Variants in NSMCE1 observed in about 807,000 individuals in gnomAD.
NSMCE1 encodes NSE1 component of SMC5/6 complex.
NSMCE1 carries 18 observed loss-of-function variants against 29.6 expected under a neutral mutation model. The ratio of observed to expected loss-of-function variants is 0.61; its 90% confidence interval spans 0.42 to 0.90. The LOEUF (loss-of-function observed/expected upper bound fraction) is 0.90, where lower values mean the gene tolerates loss of function less well. Ranked by LOEUF, NSMCE1 falls within the 40% of genes least tolerant of loss-of-function variation. NSMCE1 has a pLI of 0.00. For missense variants in NSMCE1, 314 were observed against 343.6 expected, an observed-to-expected ratio of 0.91 and a Z score of 0.68; for synonymous variants, 124 against 133.4, an observed-to-expected ratio of 0.93 and a Z score of 0.49.
In NSMCE1 at chr16:27,231,915, T is replaced by C. The variant is rs778462537; in HGVS notation, c.483+1086A>G. Among the ~76,000 whole-genome samples the C allele has an allele frequency of 1.1e-4, 17 of 152,110 alleles. No individual in the cohort carries two copies. The Middle Eastern group carries it at 0.01, about 91-fold the overall frequency. ...AGGGCAGCAGACAGCCTCCAAGACA[T>C]GACATACGGGAACGCGCCCAGCAGA... On this transcript the variant is annotated intron_variant, in intron 5 of 7. Coordinates refer to ENST00000361439, the MANE Select transcript of NSMCE1 (RefSeq NM_145080.4).
chr16:27,242,752 A>C (rs1018396304), intron 2 of NSMCE1, among the ~76,000 whole-genome samples: 5 of 152,236 alleles, frequency 3.3e-5, no homozygotes, highest in Non-Finnish European at 7.3e-5. Context: ...CATTTCATCT[A>C]ATCACACCCA....
intron 7 of NSMCE1, 130 bp from the exon 8 acceptor site, chr16:27,225,366 A>T (rs985234838): frequency 4.5e-6 from 3 of 660,264 alleles, no homozygotes; most frequent in Non-Finnish European, 2.7e-6. Context: ...TTCACTGCTA[A>T]CCCTCCCCAG....
intron 5 of NSMCE1, among the ~76,000 whole-genome samples, chr16:27,229,047 C>T (rs967033274): frequency 2.0e-5 from 3 of 152,166 alleles, no homozygotes; most frequent in Admixed American, 2.0e-4. Flanking sequence ...CACCCCAGGG[C>T]TTCCCACCAC....
intron 7 of NSMCE1, 63 bp from the exon 8 acceptor site, chr16:27,225,299 G>T (rs892546490): frequency 3.2e-6 from 3 of 950,960 alleles, no homozygotes; most frequent in East Asian, 5.1e-5. Context: ...AGGGGCACCA[G>T]CTGGAGCCAG....
At chr16:27,249,942 A>T (rs1265075153) in intron 2 of NSMCE1, among the ~76,000 whole-genome samples, 1 of 152,164 alleles carries the variant, frequency 6.6e-6, no homozygotes, top group African/African-American at 2.4e-5. Flanking sequence ...TTCTCTCAAC[A>T]ATGTTTTGTA....
intron 2 of NSMCE1, among the ~76,000 whole-genome samples, chr16:27,247,946 A>C (rs1017423373): frequency 6.6e-6 from 1 of 151,918 alleles, no homozygotes; most frequent in Non-Finnish European, 1.5e-5. Flanking sequence ...AAAACAAAAA[A>C]CAAAACAAAA....
intron 1 of NSMCE1, among the ~76,000 whole-genome samples, chr16:27,260,467 A>G (rs953386967): frequency 2.0e-5 from 3 of 152,232 alleles, no homozygotes; most frequent in Admixed American, 6.5e-5. Flanking sequence ...ACACAAAAAA[A>G]CAAAGTAAGT....
intron 2 of NSMCE1, among the ~76,000 whole-genome samples, chr16:27,245,740 T>G (rs1226184480): frequency 2.6e-5 from 4 of 152,256 alleles, no homozygotes; most frequent in Non-Finnish European, 4.4e-5. Context: ...TACTCATTTT[T>G]TGCCACTTTT....
chr16:27,242,112 A>T (rs1445405554), intron 2 of NSMCE1, among the ~76,000 whole-genome samples: 1 of 152,218 alleles, frequency 6.6e-6, no homozygotes, highest in Admixed American at 6.5e-5. Flanking sequence ...GATGGCACAC[A>T]GGGCTTCACT....
At chr16:27,253,988 T>C (rs1030284430) in intron 2 of NSMCE1, among the ~76,000 whole-genome samples, 15 of 152,316 alleles carry the variant, frequency 9.8e-5, no homozygotes, top group Non-Finnish European at 1.9e-4. Flanking sequence ...GAATAAGAAG[T>C]GATTTGATAA....
intron 2 of NSMCE1, among the ~76,000 whole-genome samples, chr16:27,246,051 C>T (rs1248494545): frequency 1.3e-5 from 2 of 152,096 alleles, no homozygotes; most frequent in Non-Finnish European, 2.9e-5. Context: ...CGTGAGACGA[C>T]GAAGCAGATA....
intron 1 of NSMCE1, chr16:27,268,346 G>C (rs574897656): frequency 6.6e-6 from 1 of 152,218 alleles, no homozygotes; most frequent in Non-Finnish European, 1.5e-5. Flanking sequence ...ATCACAGTTT[G>C]AATCGAATTT....
chr16:27,268,483 A>T (rs546164038), intron 1 of NSMCE1: 5 of 152,354 alleles, frequency 3.3e-5, no homozygotes, highest in Admixed American at 6.5e-5. Flanking sequence ...GCGGGAGGAC[A>T]TCCCAGTCCG....
At chr16:27,248,406 CTTTT>C (rs756697569) in intron 2 of NSMCE1, among the ~76,000 whole-genome samples, 1 of 84,770 alleles carries the variant, frequency 1.2e-5, no homozygotes, top group African/African-American at 4.8e-5. Flanking sequence ...TTTTAGTTTG[CTTTT>C]TTTTTTTTTT....
chr16:27,251,260 A>G (rs2084032962), intron 2 of NSMCE1, among the ~76,000 whole-genome samples: 2 of 145,362 alleles, frequency 1.4e-5, no homozygotes, highest in Admixed American at 7.1e-5. Context: ...TATTTATCCT[A>G]TTTATCCCCT....
intron 2 of NSMCE1, among the ~76,000 whole-genome samples, chr16:27,247,935 A>C (rs970136437): frequency 2.4e-4 from 36 of 151,858 alleles, no homozygotes; most frequent in Non-Finnish European, 4.9e-4. Flanking sequence ...TCAAAAAAAA[A>C]AAAACAAAAA....
In NSMCE1 at chr16:27,225,166, C is replaced by T. The variant is rs539067274; in HGVS notation, c.792G>A (p.Arg264=). 15 of 1,599,290 alleles carry T rather than the reference C, an allele frequency of 9.4e-6. No individual in the cohort carries two copies. Among genetic ancestry groups the T allele is most frequent in the Middle Eastern group, 1.7e-4 (1 of 6,044 alleles). ...CAGCAGGGCACGATGGCTAATGCTG[C>T]CTGGACCGCAGGGACTTTTTGTTCG... is the stretch of plus-strand genomic sequence containing the variant. ...LKSNKKSLRS[R]QH Residue 264 remains arginine (R), a synonymous_variant, in exon 8 of 8, where the codon AGG becomes AGA. Transcript: ENST00000361439.
At chr16:27,266,078 T>C (rs1477503517) in intron 1 of NSMCE1, among the ~76,000 whole-genome samples, 1 of 152,138 alleles carries the variant, frequency 6.6e-6, no homozygotes, top group Admixed American at 6.6e-5. Context: ...ATACAATGTT[T>C]TTAAATGTGA....
At chr16:27,254,501 G>A (rs764774300) in intron 2 of NSMCE1, among the ~76,000 whole-genome samples, 21 of 152,192 alleles carry the variant, frequency 1.4e-4, no homozygotes, top group Non-Finnish European at 8.8e-5. Flanking sequence ...CCACCAACAT[G>A]AAAGCTTACA....
Sources: gnomAD v4.1 joint callset for allele counts (sites outside exome capture counted in the v4.1 genomes callset) on GRCh38, gnomAD v4.1.1 for gene constraint, MANE v1.5 for transcripts, NCBI Gene and HGNC (gene_info 2026-07-23, HGNC 2026-07-21) for gene names.